The following CYB5RL variants were observed in gnomAD, a reference collection of about 807,000 sequenced individuals.
The protein encoded by CYB5RL is NADH-cytochrome b5 reductase-like.
A neutral mutation model predicts 37.5 loss-of-function variants in CYB5RL; 38 were observed. The observed-to-expected ratio is 1.01, with a 90% CI of 0.78 to 1.33. The LOEUF is 1.33. CYB5RL is among the 40% of genes most tolerant of loss of function. CYB5RL has a pLI of 0.00. For missense variants in CYB5RL, 388 were observed against 394.4 expected (o/e 0.98, Z 0.14); for synonymous variants, 141 against 151.9 (o/e 0.93, Z 0.53).
intron 3 of CYB5RL, among the ~76,000 whole-genome samples, chr1:54,195,052 T>C (rs1217672794): frequency 5.3e-5 from 8 of 152,244 alleles, no homozygotes; most frequent in Admixed American, 4.6e-4. Flanking sequence ...GTTTAGTCCA[T>C]AAGGACAAGG....
chr1:54,196,839 G>T (rs547326308), intron 1 of CYB5RL, among the ~76,000 whole-genome samples: 1 of 152,210 alleles, frequency 6.6e-6, no homozygotes, highest in Non-Finnish European at 1.5e-5. Context: ...ACAGAAGAAG[G>T]TTGTGATGGT....
At chr1:54,195,185 T>C (rs1055517602) in intron 3 of CYB5RL, among the ~76,000 whole-genome samples, 35 of 152,200 alleles carry the variant, frequency 2.3e-4, no homozygotes, top group East Asian at 1.2e-3. Flanking sequence ...ATCACAAACA[T>C]TGAGCCTCAT....
rs374875135 is a variant in CYB5RL, at chr1:54,190,733, G to A, written c.347+15C>T. 4.7e-5 allele frequency: 73 copies of A among 1,551,766 alleles called. No homozygotes were observed. In the East Asian group the frequency reaches 1.4e-3, roughly 30 times the overall value. ...AGGGCTGTGAAGCTTTGGTCCTCCC[G>A]CTACCTGAGTGTACCGTAGGATGAG... On this transcript the variant is annotated intron_variant, in intron 4 of 7. Transcript: ENST00000534324.
intron 5 of CYB5RL, among the ~76,000 whole-genome samples, chr1:54,187,134 C>G (rs1278603414): frequency 6.6e-6 from 1 of 152,140 alleles, no homozygotes; most frequent in African/African-American, 2.4e-5. Flanking sequence ...GTTTCCTATT[C>G]CTTGGGTCTC....
chr1:54,175,372 C>A (rs1421635334), intron 7 of CYB5RL, among the ~76,000 whole-genome samples: 1 of 152,202 alleles, frequency 6.6e-6, no homozygotes, highest in Non-Finnish European at 1.5e-5. Flanking sequence ...CAGCACAGAT[C>A]CCAGGTCACA....
intron 4 of CYB5RL, 131 bp downstream of exon 4, chr1:54,190,617 G>A: frequency 1.8e-6 from 2 of 1,127,692 alleles, no homozygotes; most frequent in Non-Finnish European, 2.6e-6. Flanking sequence ...TCTGAGTCAT[G>A]TGTCACTATG....
intron 3 of CYB5RL, among the ~76,000 whole-genome samples, chr1:54,193,346 ATGG>A (rs1288937074): frequency 2.0e-5 from 3 of 151,386 alleles, no homozygotes; most frequent in African/African-American, 7.4e-5. Flanking sequence ...GTACATCTAG[ATGG>A]TGTCTGGTAG....
intron 5 of CYB5RL, chr1:54,186,356 A>G (rs1643897004): frequency 6.6e-6 from 1 of 152,222 alleles, no homozygotes; most frequent in African/African-American, 2.4e-5. Context: ...AATTAGAATA[A>G]AGAGACAGAG....
chr1:54,178,406 C>T (rs1318648163), intron 7 of CYB5RL, among the ~76,000 whole-genome samples: 1 of 152,130 alleles, frequency 6.6e-6, no homozygotes, highest in Non-Finnish European at 1.5e-5. Context: ...AGTGAAGCTA[C>T]CAACCAGGGA....
chr1:54,183,658 G>C (rs1233635041), intron 6 of CYB5RL, among the ~76,000 whole-genome samples: 1 of 152,164 alleles, frequency 6.6e-6, no homozygotes, highest in Non-Finnish European at 1.5e-5. Context: ...TAGCTTTGGA[G>C]CTGGGCAGGC....
chr1:54,178,181 C>A (rs547524281), intron 7 of CYB5RL, among the ~76,000 whole-genome samples: 2 of 152,314 alleles, frequency 1.3e-5, no homozygotes, highest in South Asian at 4.1e-4. Context: ...GCCCAGGGAC[C>A]CTTATATTGG....
chr1:54,179,708 C>A (rs1249991634), intron 6 of CYB5RL, among the ~76,000 whole-genome samples: 2 of 152,170 alleles, frequency 1.3e-5, no homozygotes, highest in Admixed American at 6.5e-5. Flanking sequence ...CTACTGTAGG[C>A]CAAATCCTTT....
At chr1:54,181,189 C>T (rs905176236) in intron 6 of CYB5RL, among the ~76,000 whole-genome samples, 7 of 152,214 alleles carry the variant, frequency 4.6e-5, no homozygotes, top group Non-Finnish European at 2.9e-5. Context: ...CATCCTAGCT[C>T]GGGCTATCCT....
chr1:54,189,601 G>A (rs1405327211), intron 4 of CYB5RL, among the ~76,000 whole-genome samples: 1 of 152,224 alleles, frequency 6.6e-6, no homozygotes, highest in Admixed American at 6.5e-5. Context: ...CAGTGACATG[G>A]TCAGATATGT....
intron 1 of CYB5RL, among the ~76,000 whole-genome samples, 159 bp from the exon 2 acceptor site, chr1:54,196,650 G>A (rs1383105523): frequency 2.0e-5 from 3 of 152,186 alleles, no homozygotes; most frequent in Non-Finnish European, 4.4e-5. Flanking sequence ...CCTGATAACT[G>A]CACTTCCCCA....
chr1:54,195,774 A>C, intron 2 of CYB5RL, 59 bp from the exon 3 acceptor site: 1 of 780,770 alleles, frequency 1.3e-6, no homozygotes, highest in Non-Finnish European at 1.9e-6. Flanking sequence ...CACATTCTCC[A>C]AAGCCTGCAG....
At chr1:54,199,815 G>A (rs1644059538) in intron 1 of CYB5RL, among the ~76,000 whole-genome samples, 161 bp downstream of exon 1, 1 of 152,214 alleles carries the variant, frequency 6.6e-6, no homozygotes, top group Non-Finnish European at 1.5e-5. Flanking sequence ...CTGTACAGGT[G>A]CAACAGCTTA....
intron 1 of CYB5RL, among the ~76,000 whole-genome samples, chr1:54,198,027 C>CAAAAAAAAAAAAAAAAAAAAA (rs575486117): frequency 1.3e-5 from 1 of 78,516 alleles, no homozygotes; most frequent in Admixed American, 1.5e-4. Context: ...GACTCTGTCT[C>CAAAAAAAAAAAAAAAAAAAAA]AAAAAAAAAA....
chr1:54,191,287 A>T (rs184223026), intron 3 of CYB5RL, among the ~76,000 whole-genome samples: 1 of 152,312 alleles, frequency 6.6e-6, no homozygotes, highest in Admixed American at 6.5e-5. Flanking sequence ...TTGCTCAAGC[A>T]GTGCCCTCTT....
Sources: allele counts gnomAD v4.1 joint callset (sites outside exome capture counted in the v4.1 genomes callset), GRCh38; gene constraint gnomAD v4.1.1; transcripts MANE v1.5; gene names NCBI Gene and HGNC (gene_info 2026-07-23, HGNC 2026-07-21).